ZFAND4: variants seen among roughly 807,000 people sequenced by gnomAD.
ZFAND4 encodes the protein AN1-type zinc finger protein 4.
In ZFAND4, 43 loss-of-function variants were observed where a neutral mutation model predicts 64.4. That is an observed-to-expected ratio of 0.67 (90% CI 0.52 to 0.86). The LOEUF (loss-of-function observed/expected upper bound fraction) is 0.86, where lower values mean the gene tolerates loss of function less well. Ranked by LOEUF, ZFAND4 falls within the 40% of genes least tolerant of loss-of-function variation. The pLI, the probability that ZFAND4 is intolerant of heterozygous loss-of-function variation, is 0.00. For missense variants in ZFAND4, 929 were observed against 859.8 expected (o/e 1.08, Z -1.01); for synonymous variants, 296 against 305.7 (o/e 0.97, Z 0.33).
At chr10:45,640,167 G>A (rs986382922) in intron 5 of ZFAND4, 23 of 1,245,594 alleles carry the variant, frequency 1.8e-5, no homozygotes, top group African/African-American at 6.2e-5. Context: ...TATGATCTAG[G>A]ATTACTGAAA....
chr10:45,669,731 C>T (rs2049056503), intron 1 of ZFAND4, among the ~76,000 whole-genome samples: 1 of 152,140 alleles, frequency 6.6e-6, no homozygotes, highest in Non-Finnish European at 1.5e-5. Context: ...TCAATACAGG[C>T]AAATCAATAA....
chr10:45,652,838 A>G (rs992891972), intron 3 of ZFAND4, 146 bp downstream of exon 3: 1 of 585,950 alleles, frequency 1.7e-6, no homozygotes, highest in Non-Finnish European at 3.0e-6. Flanking sequence ...TAATGCATCT[A>G]AAGTTCAGGA....
chr10:45,653,208 A>G (rs899817899), intron 2 of ZFAND4, 149 bp from the exon 3 acceptor site: 1 of 604,556 alleles, frequency 1.7e-6, no homozygotes, highest in Admixed American at 3.1e-5. Flanking sequence ...AATTTACAGA[A>G]TCATAGGTAG....
intron 1 of ZFAND4, among the ~76,000 whole-genome samples, chr10:45,668,912 A>G (rs1276254496): frequency 1.3e-5 from 2 of 152,238 alleles, no homozygotes; most frequent in African/African-American, 2.4e-5. Context: ...TGTACAGGGA[A>G]ATTTATAGCA....
chr10:45,645,685 C>T (rs938675258), intron 5 of ZFAND4, among the ~76,000 whole-genome samples: 2 of 152,268 alleles, frequency 1.3e-5, no homozygotes, highest in African/African-American at 2.4e-5. Flanking sequence ...CAGCAAGCTG[C>T]AATCATTCCC....
At chr10:45,645,886 C>G (rs537377341) in intron 5 of ZFAND4, among the ~76,000 whole-genome samples, 1 of 152,116 alleles carries the variant, frequency 6.6e-6, no homozygotes, top group South Asian at 2.1e-4. Flanking sequence ...AAGAGAAGAT[C>G]TGATAGAATT....
rs185818170 is a variant in ZFAND4 at position 45,651,966 on chromosome 10, C to A, written c.328G>T (p.Val110Phe). 1.2e-6 allele frequency: 2 copies of A among 1,612,882 alleles called. No individual in the cohort carries two copies. The highest frequency in any genetic ancestry group is 1.3e-5 in the African/African-American group (1 of 74,878). Residue 110 changes from valine (V) to phenylalanine (F), a missense_variant and splice_region_variant, in exon 4 of 10, where the codon GTT (valine) becomes TTT (phenylalanine). By Grantham distance (50) the Val-to-Phe change is conservative (BLOSUM62 -1). Transcript: ENST00000344646. Reference protein sequence around the residue: ...MRGGPINTRRVPTDDPLRKMA... With the variant: ...MRGGPINTRRFPTDDPLRKMA... ...TGCTTTAATATATATATATGCCTAC[C>A]TCTTCTAGTATTTATAGGTCCGCCA...
Position 45,663,544 on chromosome 10 carries a change from T to C in ZFAND4, c.182A>G (p.Glu61Gly). 1 of 1,589,662 alleles carries C rather than the reference T, an allele frequency of 6.3e-7. No individual in the cohort carries two copies. The highest frequency in any genetic ancestry group is 1.2e-5 in the South Asian group (1 of 85,982). The change falls in exon 2 of 10, where the codon GAA becomes GGA. Residue 61 changes from glutamate to glycine, a missense_variant and splice_region_variant. Coordinates refer to ENST00000344646, the MANE Select transcript of ZFAND4 (RefSeq NM_174890.4). ...ISVKAKIRRL[E>G]GIPICRQHLI... Reference sequence around the variant, plus strand: ...TAAAAACAAAGAAAGATGAGTACCTTCCAATCTTCGAATTTTTGCTTTCAC... The same window carrying C: ...TAAAAACAAAGAAAGATGAGTACCTCCCAATCTTCGAATTTTTGCTTTCAC...
chr10:45,667,661 GT>G (rs2048919697), intron 1 of ZFAND4, among the ~76,000 whole-genome samples: 1 of 152,018 alleles, frequency 6.6e-6, no homozygotes, highest in Non-Finnish European at 1.5e-5. Context: ...TAGAGACAAG[GT>G]TTTACCAAGT....
chr10:45,622,293 C>T (rs2045488486), intron 8 of ZFAND4, among the ~76,000 whole-genome samples: 1 of 152,106 alleles, frequency 6.6e-6, no homozygotes, highest in Admixed American at 6.6e-5. Context: ...GGGATGTTCA[C>T]ATGCAAAAGA....
rs185568778 is a variant in ZFAND4, at chr10:45,633,651, T to C, written c.717+6165A>G. On this transcript the variant is annotated intron_variant, in intron 6 of 9. Coordinates refer to ENST00000344646, the MANE Select transcript of ZFAND4 (RefSeq NM_174890.4). Reference sequence around the variant, plus strand: ...ACCAACTAAAATTGCAAATTTTCTTTAAAAAAAAAAACGAAAAAGAAACTA... The same window carrying C: ...ACCAACTAAAATTGCAAATTTTCTTCAAAAAAAAAAACGAAAAAGAAACTA... 4.4e-3 allele frequency among the ~76,000 whole-genome samples: 637 copies of C among 145,480 alleles called. 4 individuals are homozygous for C. Among genetic ancestry groups the C allele is most frequent in the African/African-American group, 0.015 (603 of 39,884 alleles).
chr10:45,616,374 C>A lies in ZFAND4; in HGVS notation c.*62G>T, dbSNP rs987627730. On this transcript the variant is annotated 3_prime_UTR_variant, in exon 10 of 10. Coordinates refer to ENST00000344646, the MANE Select transcript of ZFAND4 (RefSeq NM_174890.4). The stretch of plus-strand genomic sequence containing the variant: ...AGTCGAACAAAAATAATAGTCTAAA[C>A]AACATTTCTTCTGTCATTATAATAC... 2.1e-5 allele frequency: 33 copies of A among 1,581,956 alleles called. No homozygotes were observed. Among genetic ancestry groups the A allele is most frequent in the Middle Eastern group, 3.4e-4 (2 of 5,920 alleles).
chr10:45,633,440 T>C (rs755286507), intron 6 of ZFAND4, among the ~76,000 whole-genome samples: 1 of 152,108 alleles, frequency 6.6e-6, no homozygotes, highest in Non-Finnish European at 1.5e-5. Context: ...GGCATGGTGC[T>C]GCACACATAG....
intron 1 of ZFAND4, among the ~76,000 whole-genome samples, chr10:45,668,548 T>A (rs1221453604): frequency 2.0e-5 from 3 of 152,230 alleles, no homozygotes; most frequent in Non-Finnish European, 4.4e-5. Context: ...GCCTTACATG[T>A]GAGTGGGCTA....
At chr10:45,638,828 T>A (rs1207707640) in intron 6 of ZFAND4, among the ~76,000 whole-genome samples, 4 of 152,164 alleles carry the variant, frequency 2.6e-5, no homozygotes, top group Non-Finnish European at 5.9e-5. Flanking sequence ...CAAATACTTT[T>A]AACAAAAGAA....
At chr10:45,654,373 C>T (rs1054348826) in intron 2 of ZFAND4, among the ~76,000 whole-genome samples, 7 of 152,168 alleles carry the variant, frequency 4.6e-5, no homozygotes, top group African/African-American at 1.4e-4. Flanking sequence ...GTAATTCCAG[C>T]ACTTTAGGAG....
At chr10:45,650,353 G>C (rs914909389) in intron 4 of ZFAND4, 1 of 151,964 alleles carries the variant, frequency 6.6e-6, no homozygotes, top group Non-Finnish European at 1.5e-5. Flanking sequence ...TGTTGGCCAA[G>C]CTGGTCTCAA....
intron 7 of ZFAND4, among the ~76,000 whole-genome samples, chr10:45,624,840 G>A (rs1023249430): frequency 2.0e-5 from 3 of 152,102 alleles, no homozygotes; most frequent in Admixed American, 6.5e-5. Context: ...ATCTTTAAGA[G>A]GGTAGAATTT....
chr10:45,668,234 A>G (rs1049717468), intron 1 of ZFAND4, among the ~76,000 whole-genome samples: 1 of 152,198 alleles, frequency 6.6e-6, no homozygotes, highest in African/African-American at 2.4e-5. Context: ...AGTTTTCATT[A>G]TGTCTGTCAG....
Sources: gnomAD v4.1 joint callset for allele counts (sites outside exome capture counted in the v4.1 genomes callset) on GRCh38, gnomAD v4.1.1 for gene constraint, MANE v1.5 for transcripts, NCBI Gene and HGNC (gene_info 2026-07-23, HGNC 2026-07-21) for gene names.